ACSS3: variants seen among roughly 807,000 people sequenced by gnomAD.
ACSS3 encodes acyl-CoA synthetase short-chain family member 3, mitochondrial.
ACSS3 carries 64 observed loss-of-function variants against 84.2 expected under a neutral mutation model. The observed-to-expected ratio is 0.76, with a 90% CI of 0.62 to 0.94. The LOEUF (loss-of-function observed/expected upper bound fraction) is 0.94. ACSS3 is among the 40% of genes least tolerant of loss of function. ACSS3 has a pLI of 0.00. For missense variants in ACSS3, 815 were observed against 867.6 expected (o/e 0.94, Z 0.76); for synonymous variants, 317 against 310.1 (o/e 1.02, Z -0.23).
At chr12:81,093,378 G>T (rs1881798733) in intron 1 of ACSS3, among the ~76,000 whole-genome samples, 2 of 151,770 alleles carry the variant, frequency 1.3e-5, no homozygotes, top group South Asian at 4.2e-4. Flanking sequence ...GCTTGAACCT[G>T]GGAGATGGAG....
rs913758071 is a variant in ACSS3, at chr12:81,258,000, G to T, written c.*3078G>T. ...AATCTAGTTATGGCATTATAATGTCGTAGTTCCTATATTCTATTTCATTTC... is the reference window on the plus strand; with the variant it reads ...AATCTAGTTATGGCATTATAATGTCTTAGTTCCTATATTCTATTTCATTTC... On this transcript the variant is annotated 3_prime_UTR_variant, in exon 16 of 16. Transcript: ENST00000548058. 2.0e-5 allele frequency: 3 copies of T among 151,982 alleles called. No homozygotes were observed. The highest frequency in any genetic ancestry group is 2.9e-5 in the Non-Finnish European group (2 of 67,970). 9.4% of individuals were successfully genotyped at this position (151,982 alleles called of 1,614,324 possible).
At chr12:81,224,208 C>G (rs2033198026) in intron 11 of ACSS3, among the ~76,000 whole-genome samples, 1 of 151,888 alleles carries the variant, frequency 6.6e-6, no homozygotes, top group Non-Finnish European at 1.5e-5. Flanking sequence ...TAGGTATTAA[C>G]TAGTTCATTT....
chr12:81,134,071 CAG>C (rs1885663552), intron 2 of ACSS3, among the ~76,000 whole-genome samples: 1 of 135,904 alleles, frequency 7.4e-6, no homozygotes, highest in South Asian at 2.3e-4. Flanking sequence ...GTCTCAAAAA[CAG>C]AAAAAAAAAA....
intron 2 of ACSS3, among the ~76,000 whole-genome samples, chr12:81,112,503 T>G (rs1167994902): frequency 6.6e-6 from 1 of 152,214 alleles, no homozygotes; most frequent in African/African-American, 2.4e-5. Context: ...TTTCTGTGTT[T>G]GTGCTGGTTC....
intron 9 of ACSS3, among the ~76,000 whole-genome samples, chr12:81,203,713 G>T (rs527646703): frequency 6.6e-6 from 1 of 152,104 alleles, no homozygotes; most frequent in Non-Finnish European, 1.5e-5. Flanking sequence ...AATATTTAAT[G>T]CTGTCATGAA....
chr12:81,083,533 C>CT (rs993135835), intron 1 of ACSS3, among the ~76,000 whole-genome samples: 3 of 151,408 alleles, frequency 2.0e-5, no homozygotes, highest in Non-Finnish European at 2.9e-5. Context: ...GATTTTTGTA[C>CT]TTTTTTTTAG....
intron 1 of ACSS3, among the ~76,000 whole-genome samples, chr12:81,101,203 G>A (rs2121421686): frequency 6.6e-6 from 1 of 152,094 alleles, no homozygotes; most frequent in South Asian, 2.1e-4. Flanking sequence ...AAAATTTAAA[G>A]TTATATTTTT....
At chr12:81,112,265 T>C (rs1315753370) in intron 2 of ACSS3, among the ~76,000 whole-genome samples, 1 of 152,206 alleles carries the variant, frequency 6.6e-6, no homozygotes, top group Non-Finnish European at 1.5e-5. Flanking sequence ...AATACGTAAA[T>C]TTACTTACAT....
chr12:81,159,418 C>T (rs1887040551), intron 7 of ACSS3, among the ~76,000 whole-genome samples: 2 of 152,100 alleles, frequency 1.3e-5, no homozygotes, highest in African/African-American at 4.8e-5. Flanking sequence ...CAGAGATTTA[C>T]TTTTATCAAT....
chr12:81,256,125 T>C lies in ACSS3; in HGVS notation c.*1203T>C, dbSNP rs1593249747. 3.9e-5 allele frequency: 6 copies of C among 152,190 alleles called. No individual in the cohort carries two copies. Among genetic ancestry groups the C allele is most frequent in the Admixed American group, 3.3e-4 (5 of 15,276 alleles). The allele number at this position is 152,190 out of a possible 1,614,324, so 9.4% of individuals were successfully genotyped here. ...ACTAGGTTTGAGGGACAAAGGACAG[T>C]AGAAAATGGTGAAGACTGCAGATCA... On this transcript the variant is annotated 3_prime_UTR_variant, in exon 16 of 16. Transcript: ENST00000548058.
chr12:81,178,130 A>C (rs1417458782), intron 8 of ACSS3, among the ~76,000 whole-genome samples: 1 of 151,760 alleles, frequency 6.6e-6, no homozygotes, highest in African/African-American at 2.4e-5. Flanking sequence ...AATACTATGC[A>C]GCCATAAAAA....
chr12:81,083,358 C>T (rs1463780933), intron 1 of ACSS3, among the ~76,000 whole-genome samples: 13 of 140,304 alleles, frequency 9.3e-5, no homozygotes, highest in Admixed American at 1.5e-4. Context: ...AGCTTTTGGT[C>T]TTTTTTTTTT....
chr12:81,178,319 T>G (rs2030650141), intron 8 of ACSS3, among the ~76,000 whole-genome samples: 4 of 120,006 alleles, frequency 3.3e-5, no homozygotes, highest in Admixed American at 8.8e-5. Flanking sequence ...TGTTGTGGGA[T>G]GGGGGGAGGG....
intron 1 of ACSS3, among the ~76,000 whole-genome samples, chr12:81,099,332 A>G (rs1882318051): frequency 6.6e-6 from 1 of 152,184 alleles, no homozygotes; most frequent in South Asian, 2.1e-4. Context: ...ATGTTATTCT[A>G]AGAAGGAAGC....
Position 81,231,061 on chromosome 12 carries a change from C to T in ACSS3, c.1519C>T (p.Pro507Ser). Residue 507 changes from proline to serine, a missense_variant, in exon 12 of 16, where the codon CCA (proline) becomes TCA (serine). Pro to Ser is a moderately conservative substitution (Grantham distance 74). Transcript: ENST00000548058. Reference protein sequence around the residue: ...RCLGNIVVKLPLPPGAFSGLW... With the variant: ...RCLGNIVVKLSLPPGAFSGLW... ...ACTTCTCTGTTTTTATATAAGGTTA[C>T]CATTGCCACCTGGGGCTTTTTCAGG... 6 of 1,609,586 alleles carry T rather than the reference C, an allele frequency of 3.7e-6. No homozygotes were observed. Among genetic ancestry groups the T allele is most frequent in the Non-Finnish European group, 5.1e-6 (6 of 1,177,254 alleles).
intron 7 of ACSS3, among the ~76,000 whole-genome samples, chr12:81,171,330 C>T (rs2030028960): frequency 6.6e-6 from 1 of 152,050 alleles, no homozygotes; most frequent in African/African-American, 2.4e-5. Context: ...TGTTAATCAT[C>T]AGACTATTTT....
chr12:81,118,511 C>A (rs963000046), intron 2 of ACSS3, among the ~76,000 whole-genome samples: 1 of 152,174 alleles, frequency 6.6e-6, no homozygotes, highest in Non-Finnish European at 1.5e-5. Context: ...ATTTGGCCAT[C>A]AGCTGCTAGG....
intron 9 of ACSS3, among the ~76,000 whole-genome samples, chr12:81,212,320 A>C (rs959584603): frequency 2.0e-5 from 3 of 152,226 alleles, no homozygotes; most frequent in African/African-American, 7.2e-5. Flanking sequence ...ATAGCTGCTC[A>C]AAAACTATTT....
intron 1 of ACSS3, among the ~76,000 whole-genome samples, chr12:81,108,265 A>AT (rs1883253084): frequency 1.5e-5 from 1 of 66,870 alleles, no homozygotes; most frequent in Non-Finnish European, 3.0e-5. Flanking sequence ...ATTATTATTA[A>AT]TTATTATTAT....
Sources: allele counts gnomAD v4.1 joint callset (sites outside exome capture counted in the v4.1 genomes callset), GRCh38; gene constraint gnomAD v4.1.1; transcripts MANE v1.5; gene names NCBI Gene and HGNC (gene_info 2026-07-23, HGNC 2026-07-21).